The following ZNF254 variants were observed in gnomAD, a reference collection of about 807,000 sequenced individuals.
The protein encoded by ZNF254 is zinc finger protein 254.
In ZNF254, 10 loss-of-function variants were observed where a neutral mutation model predicts 12.4. The ratio of observed to expected loss-of-function variants is 0.80; its 90% CI spans 0.50 to 1.36. ZNF254 has a LOEUF of 1.36. Ranked by LOEUF, ZNF254 falls within the 40% of genes most tolerant of loss-of-function variation. The pLI is 0.00. For synonymous variants in ZNF254, 305 were observed against 253.4 expected, an observed-to-expected ratio of 1.20 and a Z score of -1.93; for missense variants, 996 against 763.9, an observed-to-expected ratio of 1.30 and a Z score of -3.58.
chr19:24,068,145 C>G (rs1324935368), intron 2 of ZNF254, among the ~76,000 whole-genome samples: 1 of 152,220 alleles, frequency 6.6e-6, no homozygotes, highest in Non-Finnish European at 1.5e-5. Flanking sequence ...GCTCTCCTCA[C>G]CTACATGCAC....
chr19:24,086,005 G>C (rs1450660323), upstream of ZNF254, among the ~76,000 whole-genome samples: 1 of 151,988 alleles, frequency 6.6e-6, no homozygotes, highest in African/African-American at 2.4e-5. Flanking sequence ...CCAAGAGTTC[G>C]TGACCAGCCT....
chr19:24,041,878 A>G (rs1294816276), intron 1 of ZNF254, among the ~76,000 whole-genome samples: 6 of 150,330 alleles, frequency 4.0e-5, no homozygotes, highest in Non-Finnish European at 8.9e-5. Context: ...GAGTGCACCA[A>G]TCCACACTCT....
chr19:24,101,728 A>G (rs917954278), intron 1 of ZNF254, among the ~76,000 whole-genome samples: 14 of 152,230 alleles, frequency 9.2e-5, no homozygotes, highest in Admixed American at 9.2e-4. Flanking sequence ...CTGGCTTGCT[A>G]TTGAACCATC....
upstream of ZNF254, among the ~76,000 whole-genome samples, chr19:24,082,707 G>A (rs1442625111): frequency 6.7e-6 from 1 of 148,978 alleles, no homozygotes; most frequent in African/African-American, 2.5e-5. Context: ...ATTACAAAAT[G>A]TATAAAAGCA....
intron 2 of ZNF254, chr19:24,066,718 CAAA>C (rs1971285126): frequency 6.8e-6 from 1 of 147,800 alleles, no homozygotes; most frequent in African/African-American, 2.6e-5. Context: ...CAAAACAAAA[CAAA>C]ACAAAACAAA....
At chr19:24,042,839 C>T (rs1214991461) in intron 1 of ZNF254, among the ~76,000 whole-genome samples, 2 of 152,332 alleles carry the variant, frequency 1.3e-5, no homozygotes, top group East Asian at 3.9e-4. Flanking sequence ...TGTCTAATTA[C>T]AGCTGACACT....
rs181074214 is a variant in ZNF254, at chr19:24,062,595, G to T, written c.-94+16316G>T. Among the ~76,000 whole-genome samples, 747 of 147,240 alleles carry T rather than the reference G, an allele frequency of 5.1e-3. 6 individuals are homozygous for T. Among genetic ancestry groups the T allele is most frequent in the African/African-American group, 0.017 (694 of 40,986 alleles). ...CTGACAGAGAGAAGCACACAGGTGAGACTGAAATTTATATTCACACCCAGT... is the reference window on the plus strand; with the variant it reads ...CTGACAGAGAGAAGCACACAGGTGATACTGAAATTTATATTCACACCCAGT... On this transcript the variant is annotated intron_variant, in intron 2 of 4. Transcript: ENST00000613065.
In ZNF254 at chr19:24,091,178, C is replaced by T. The variant is rs181294283; in HGVS notation, c.30+3841C>T. Among the ~76,000 whole-genome samples, 918 of 151,966 alleles carry T rather than the reference C, an allele frequency of 6.0e-3. 7 individuals are homozygous for T. Among genetic ancestry groups the T allele is most frequent in the African/African-American group, 0.021 (870 of 41,482 alleles). Reference sequence around the variant, plus strand: ...TAGGCTGGTCTTGAACTCCTGACCTCGGGTGATCCGCCCGCCTGGGCCTCC... The same window carrying T: ...TAGGCTGGTCTTGAACTCCTGACCTTGGGTGATCCGCCCGCCTGGGCCTCC... On this transcript the variant is annotated intron_variant, in intron 1 of 3. Transcript: ENST00000357002.
chr19:24,119,617 G>A (rs1481354293), intron 3 of ZNF254, among the ~76,000 whole-genome samples: 1 of 152,034 alleles, frequency 6.6e-6, no homozygotes, highest in Non-Finnish European at 1.5e-5. Context: ...AGCCTCTCAG[G>A]TAGCTGGGTT....
chr19:24,087,022 T>TAGGC, upstream of ZNF254: 1 of 399,546 alleles, frequency 2.5e-6, no homozygotes, highest in Non-Finnish European at 4.7e-6. Context: ...GGCTGCAGCT[T>TAGGC]AGGCTGTCAC....
chr19:24,113,083 G>A (rs1474556847), intron 3 of ZNF254, among the ~76,000 whole-genome samples: 1 of 152,158 alleles, frequency 6.6e-6, no homozygotes, highest in Admixed American at 6.5e-5. Flanking sequence ...TGGATTCACA[G>A]CCAAATTCTA....
chr19:24,087,825 C>T (rs1186667630), intron 1 of ZNF254, among the ~76,000 whole-genome samples: 1 of 151,728 alleles, frequency 6.6e-6, no homozygotes, highest in African/African-American at 2.4e-5. Flanking sequence ...ATGGAAGGGG[C>T]CTGAAGAAAA....
chr19:24,122,008 T>G (rs1974515395), intron 3 of ZNF254, among the ~76,000 whole-genome samples: 1 of 152,138 alleles, frequency 6.6e-6, no homozygotes, highest in Admixed American at 6.6e-5. Flanking sequence ...GGAGAAACAC[T>G]TTTGGATTTG....
At chr19:24,070,755 A>G (rs73021412) in intron 2 of ZNF254, among the ~76,000 whole-genome samples, 22,864 of 152,172 alleles carry the variant, frequency 0.15, 1,764 homozygotes, top group Middle Eastern at 0.17. Context: ...CCTGGCACAC[A>G]GATGGGATTG....
chr19:24,055,028 C>T (rs1472118810), intron 2 of ZNF254, among the ~76,000 whole-genome samples: 1 of 151,282 alleles, frequency 6.6e-6, no homozygotes, highest in East Asian at 2.0e-4. Flanking sequence ...TGTTGAAACC[C>T]CATCTCTACT....
At chr19:24,095,519 CTTTG>C (rs1417074701) in intron 1 of ZNF254, among the ~76,000 whole-genome samples, 3 of 152,084 alleles carry the variant, frequency 2.0e-5, no homozygotes, top group African/African-American at 4.8e-5. Context: ...TGGTCCTTGG[CTTTG>C]TTTGGTTGGT....
chr19:24,106,145 C>G (rs554421880), intron 2 of ZNF254, 79 bp downstream of exon 2: 2 of 1,459,918 alleles, frequency 1.4e-6, no homozygotes, highest in African/African-American at 1.4e-5. Flanking sequence ...TGGTAATTTA[C>G]GCATTCAGAT....
intron 2 of ZNF254, among the ~76,000 whole-genome samples, chr19:24,069,203 A>T (rs946834540): frequency 3.3e-5 from 5 of 151,650 alleles, no homozygotes; most frequent in Admixed American, 1.3e-4. Flanking sequence ...ATGAGTTTTC[A>T]CCATGTTGGC....
chr19:24,114,659 A>C (rs1016389476), intron 3 of ZNF254, among the ~76,000 whole-genome samples: 2 of 136,594 alleles, frequency 1.5e-5, no homozygotes, highest in Non-Finnish European at 3.1e-5. Context: ...AATGGGAACA[A>C]AAGCCAAAAT....
Sources: gnomAD v4.1 joint callset for allele counts (sites outside exome capture counted in the v4.1 genomes callset) on GRCh38, gnomAD v4.1.1 for gene constraint, MANE v1.5 for transcripts, NCBI Gene and HGNC (gene_info 2026-07-23, HGNC 2026-07-21) for gene names.